ATG10: variants seen among roughly 807,000 people sequenced by gnomAD.
ATG10 encodes the protein ubiquitin-like-conjugating enzyme ATG10.
ATG10 carries 30 observed loss-of-function variants against 32.1 expected under a neutral mutation model. The observed-to-expected ratio is 0.94, with a 90% CI of 0.70 to 1.27. The LOEUF (loss-of-function observed/expected upper bound fraction) is 1.27, where lower values mean the gene tolerates loss of function less well. ATG10 is among the 50% of genes most tolerant of loss of function. ATG10 has a pLI of 0.00. For synonymous variants in ATG10, 87 were observed against 91.5 expected (o/e 0.95, Z 0.28); for missense variants, 233 against 262.3 (o/e 0.89, Z 0.77).
chr5:81,983,184 T>A (rs1761112437), intron 1 of ATG10, among the ~76,000 whole-genome samples: 1 of 148,390 alleles, frequency 6.7e-6, no homozygotes, highest in South Asian at 2.1e-4. Context: ...GGCGGGGGAC[T>A]GATCCCCCCA....
chr5:82,085,364 C>T (rs934284231), intron 3 of ATG10, among the ~76,000 whole-genome samples: 4 of 151,984 alleles, frequency 2.6e-5, no homozygotes, highest in Admixed American at 2.0e-4. Flanking sequence ...GAGACTTAGA[C>T]TCCCACACAA....
chr5:82,195,254 A>G (rs150086781), intron 5 of ATG10, among the ~76,000 whole-genome samples: 216 of 152,304 alleles, frequency 1.4e-3, no homozygotes, highest in Non-Finnish European at 2.5e-3. Flanking sequence ...CTTGCAAACA[A>G]TACTCTATCC....
At chr5:82,057,468 A>T (rs1763639675) in intron 2 of ATG10, among the ~76,000 whole-genome samples, 2 of 152,240 alleles carry the variant, frequency 1.3e-5, no homozygotes, top group Admixed American at 6.5e-5. Context: ...TCCTAGATGC[A>T]CCGCTCCAGT....
chr5:82,143,046 TAGTC>T (rs997914823), intron 3 of ATG10, among the ~76,000 whole-genome samples: 2 of 152,160 alleles, frequency 1.3e-5, no homozygotes, highest in African/African-American at 4.8e-5. Flanking sequence ...AGAGAGGTAA[TAGTC>T]AGGCCAAAGG....
intron 3 of ATG10, among the ~76,000 whole-genome samples, chr5:82,076,357 T>C (rs750653436): frequency 1.3e-5 from 2 of 152,224 alleles, no homozygotes; most frequent in African/African-American, 4.8e-5. Context: ...TTTAAAATTT[T>C]AATGGCAATT....
intron 4 of ATG10, among the ~76,000 whole-genome samples, chr5:82,166,172 G>C (rs1561335718): frequency 6.6e-6 from 1 of 152,128 alleles, no homozygotes. Context: ...AATGACATTG[G>C]TGTAGTTTCT....
intron 3 of ATG10, among the ~76,000 whole-genome samples, chr5:82,100,777 T>G (rs1765245352): frequency 1.9e-5 from 2 of 103,120 alleles, no homozygotes. Flanking sequence ...AACTAGTTTT[T>G]TTTTTTTTTT....
intron 3 of ATG10, among the ~76,000 whole-genome samples, chr5:82,160,947 T>C (rs1250165950): frequency 1.3e-5 from 2 of 152,148 alleles, no homozygotes; most frequent in Admixed American, 1.3e-4. Flanking sequence ...ATAGAAAATA[T>C]TGCTTACTAG....
In ATG10 at chr5:82,068,885, G is replaced by C. The variant is rs187744745; in HGVS notation, c.216+10283G>C. On this transcript the variant is annotated intron_variant, in intron 3 of 7. Coordinates refer to ENST00000282185, the MANE Select transcript of ATG10 (RefSeq NM_031482.5). The stretch of plus-strand genomic sequence containing the variant: ...ATAATCGAATCTAAAATAAATGAAA[G>C]TGAAACCACTACTTAGAACTCTTTT... Among the ~76,000 whole-genome samples, 8 of 150,480 alleles carry C rather than the reference G, an allele frequency of 5.3e-5. No individual in the cohort carries two copies. In the East Asian group the frequency reaches 1.6e-3, roughly 29 times the overall value.
rs191061417 is a variant in ATG10, at chr5:81,997,078, C to T, written c.108+9400C>T. 1.6e-3 allele frequency among the ~76,000 whole-genome samples: 240 copies of T among 152,318 alleles called. 1 individual carries two copies. Among genetic ancestry groups the T allele is most frequent in the African/African-American group, 5.4e-3 (223 of 41,542 alleles). On this transcript the variant is annotated intron_variant, in intron 2 of 7. Coordinates refer to ENST00000282185, the MANE Select transcript of ATG10 (RefSeq NM_031482.5). Reference sequence around the variant, plus strand: ...ACCCTACCCCCTCACCCTGTGCCACCATTGTGAACATTCACATGGAGGCCA... The same window carrying T: ...ACCCTACCCCCTCACCCTGTGCCACTATTGTGAACATTCACATGGAGGCCA...
At chr5:82,060,759 G>C (rs1177922860) in intron 3 of ATG10, among the ~76,000 whole-genome samples, 1 of 152,094 alleles carries the variant, frequency 6.6e-6, no homozygotes, top group African/African-American at 2.4e-5. Flanking sequence ...TAGCTACTCG[G>C]GAGGCTGAGA....
intron 3 of ATG10, among the ~76,000 whole-genome samples, chr5:82,131,314 T>C (rs1337173994): frequency 6.6e-6 from 1 of 152,174 alleles, no homozygotes; most frequent in Non-Finnish European, 1.5e-5. Context: ...TTCTGGCATG[T>C]TATGTAGGAA....
intron 1 of ATG10, among the ~76,000 whole-genome samples, chr5:81,975,314 A>G (rs1397235813): frequency 6.6e-6 from 1 of 152,198 alleles, no homozygotes; most frequent in African/African-American, 2.4e-5. Context: ...AAGAATGTGT[A>G]TTCTGAAAAA....
At chr5:82,221,497 A>G (rs1200959303) in intron 5 of ATG10, among the ~76,000 whole-genome samples, 2 of 152,166 alleles carry the variant, frequency 1.3e-5, no homozygotes, top group East Asian at 3.9e-4. Context: ...TTTAGAAGAC[A>G]CCCATATGTT....
intron 2 of ATG10, among the ~76,000 whole-genome samples, chr5:81,989,783 T>C (rs1279053559): frequency 6.6e-6 from 1 of 151,978 alleles, no homozygotes; most frequent in Non-Finnish European, 1.5e-5. Context: ...TTAATATTTT[T>C]AGTAGAGACA....
At chr5:82,213,074 A>G (rs1745553923) in intron 5 of ATG10, among the ~76,000 whole-genome samples, 1 of 152,188 alleles carries the variant, frequency 6.6e-6, no homozygotes, top group East Asian at 1.9e-4. Context: ...ATTTCAACAA[A>G]TGATACCACT....
intron 3 of ATG10, among the ~76,000 whole-genome samples, chr5:82,102,820 A>G (rs1765324567): frequency 6.6e-6 from 1 of 152,028 alleles, no homozygotes; most frequent in Non-Finnish European, 1.5e-5. Flanking sequence ...CCACTGTTGG[A>G]TCCTAGCTGG....
intron 4 of ATG10, among the ~76,000 whole-genome samples, chr5:82,169,750 AG>A (rs1313620420): frequency 7.2e-5 from 11 of 152,192 alleles, no homozygotes; most frequent in Admixed American, 2.0e-4. Context: ...AAGAGATTCT[AG>A]GGATTGAAAT....
At chr5:82,178,285 G>A (rs1169352594) in intron 4 of ATG10, among the ~76,000 whole-genome samples, 1 of 152,104 alleles carries the variant, frequency 6.6e-6, no homozygotes, top group Non-Finnish European at 1.5e-5. Flanking sequence ...AATGCTAGAT[G>A]GATACAAAGC....
Sources: gnomAD v4.1 joint callset for allele counts (sites outside exome capture counted in the v4.1 genomes callset) on GRCh38, gnomAD v4.1.1 for gene constraint, MANE v1.5 for transcripts, NCBI Gene and HGNC (gene_info 2026-07-23, HGNC 2026-07-21) for gene names.